The following RGS3 variants were observed in gnomAD, a reference collection of about 807,000 sequenced individuals.
RGS3 encodes the protein regulator of G protein signaling 3, also known as regulator of G-protein signalling 3.
A neutral mutation model predicts 132.6 loss-of-function variants in RGS3; 80 were observed. The ratio of observed to expected loss-of-function variants is 0.60; its 90% CI spans 0.50 to 0.73. RGS3 has a LOEUF of 0.73. Ranked by LOEUF, RGS3 falls within the 30% of genes least tolerant of loss-of-function variation. The pLI is 0.00. For synonymous variants in RGS3, 598 were observed against 620.6 expected (o/e 0.96, Z 0.54); for missense variants, 1,382 against 1,530.8 (o/e 0.90, Z 1.62).
intron 15 of RGS3, among the ~76,000 whole-genome samples, chr9:113,515,779 T>A (rs1831627333): frequency 6.6e-6 from 1 of 152,274 alleles, no homozygotes; most frequent in Admixed American, 6.5e-5. Flanking sequence ...TGTTGCCTTT[T>A]TAAAAGGAAA....
In RGS3 at chr9:113,463,055, C is replaced by G. The variant is rs530526245; in HGVS notation, c.415+854C>G. On this transcript the variant is annotated intron_variant, in intron 3 of 24. Coordinates refer to ENST00000350696, the Ensembl canonical transcript of RGS3. The surrounding 1 kb of genome is among the most constrained non-coding windows in gnomAD (Gnocchi z 4.6). ...ACCAGGCTGGGGGATTCACCCACCC[C>G]ACTCCGTTTCCTGTGCGTTCCTCTT... 5.9e-5 allele frequency among the ~76,000 whole-genome samples: 9 copies of G among 152,356 alleles called. No individual in the cohort carries two copies. Among genetic ancestry groups the G allele is most frequent in the Admixed American group, 5.9e-4 (9 of 15,312 alleles).
At chr9:113,558,786 C>A (rs973064082) in intron 19 of RGS3, among the ~76,000 whole-genome samples, 7 of 152,224 alleles carry the variant, frequency 4.6e-5, no homozygotes, top group African/African-American at 1.7e-4. Context: ...TTCAGTGAGA[C>A]CAGTCCACTC....
At chr9:113,488,818 C>T (rs1830417404) in intron 7 of RGS3, among the ~76,000 whole-genome samples, 2 of 152,250 alleles carry the variant, frequency 1.3e-5, no homozygotes, top group African/African-American at 4.8e-5. Flanking sequence ...CCGGCCTGGC[C>T]TCCTTGCGCT....
chr9:113,470,641 T>G (rs1179014525), intron 3 of RGS3, among the ~76,000 whole-genome samples: 1 of 152,212 alleles, frequency 6.6e-6, no homozygotes, highest in Non-Finnish European at 1.5e-5. Context: ...GGATCTACAT[T>G]GTAGGTGTGC....
intron 17 of RGS3, among the ~76,000 whole-genome samples, chr9:113,527,121 G>GGAGGT: frequency 6.6e-6 from 1 of 152,364 alleles, no homozygotes; most frequent in East Asian, 1.9e-4. Flanking sequence ...AGTAATGCAG[G>GGAGGT]GAGGTTGGGG....
upstream of RGS3, among the ~76,000 whole-genome samples, chr9:113,455,363 C>T (rs764400274): frequency 2.6e-5 from 4 of 152,106 alleles, no homozygotes; most frequent in Non-Finnish European, 5.9e-5. Flanking sequence ...AGGATTATGC[C>T]AGGCCAAGTT....
intron 3 of RGS3, among the ~76,000 whole-genome samples, chr9:113,467,421 A>G (rs1423913673): frequency 6.6e-6 from 1 of 152,160 alleles, no homozygotes; most frequent in Non-Finnish European, 1.5e-5. Flanking sequence ...AATTCTAGCT[A>G]TCCTAGTGGG....
chr9:113,549,213 C>G (rs2118730395), intron 19 of RGS3, among the ~76,000 whole-genome samples: 1 of 152,314 alleles, frequency 6.6e-6, no homozygotes, highest in African/African-American at 2.4e-5. Flanking sequence ...TCTCACTAGC[C>G]ATGGGATTAC....
Position 113,517,638 on chromosome 9 carries a change from CT to C in RGS3, c.1758+15del. The C allele has an allele frequency of 6.2e-7, 1 of 1,610,270 alleles. No individual in the cohort carries two copies. The highest frequency in any genetic ancestry group is 1.1e-5 in the South Asian group (1 of 90,956). On this transcript the variant is annotated intron_variant, in intron 16 of 24. Transcript: ENST00000350696. ...AAGGCTGCCGAGGTAAGACTTTCAC[CT>C]GCATTTTTTAGGGGGCTTTCTGGGT...
chr9:113,492,805 G>A (rs1459727657), intron 7 of RGS3, among the ~76,000 whole-genome samples: 5 of 152,204 alleles, frequency 3.3e-5, no homozygotes, highest in Admixed American at 6.5e-5. Context: ...CACTTAGAGA[G>A]AGGTTCCTGC....
intron 4 of RGS3, among the ~76,000 whole-genome samples, chr9:113,480,559 CCT>C (rs1188237721): frequency 6.6e-6 from 1 of 152,186 alleles, no homozygotes; most frequent in Non-Finnish European, 1.5e-5. Flanking sequence ...AGCACCCACC[CCT>C]GTCTAGATGG....
chr9:113,520,997 A>AGTC, intron 16 of RGS3, among the ~76,000 whole-genome samples: 1 of 152,276 alleles, frequency 6.6e-6, no homozygotes, highest in South Asian at 2.1e-4. Flanking sequence ...GGCCATGGAC[A>AGTC]GGTCACTTAA....
intron 7 of RGS3, among the ~76,000 whole-genome samples, chr9:113,488,861 C>T (rs964655870): frequency 1.3e-5 from 2 of 152,272 alleles, no homozygotes; most frequent in African/African-American, 2.4e-5. Flanking sequence ...CGATCCATTT[C>T]GGAGCGAGAA....
chr9:113,501,552 G>C, intron 10 of RGS3: 1 of 1,540,718 alleles, frequency 6.5e-7, no homozygotes, highest in Non-Finnish European at 8.7e-7. Flanking sequence ...TTCATGGGGC[G>C]GCAGCCGAGG....
chr9:113,505,738 T>C (rs567845523), intron 11 of RGS3, among the ~76,000 whole-genome samples: 2 of 152,246 alleles, frequency 1.3e-5, no homozygotes, highest in African/African-American at 4.8e-5. Flanking sequence ...AAAATGAAAA[T>C]AGGTTTTTAT....
intron 19 of RGS3, among the ~76,000 whole-genome samples, chr9:113,553,459 A>AAAAAAAAAAAAAATAT (rs1426114805): frequency 6.0e-4 from 35 of 58,696 alleles, no homozygotes; most frequent in Non-Finnish European, 8.8e-4. Flanking sequence ...AAAAAAAAAA[A>AAAAAAAAAAAAAATAT]ATATATATAT....
At chr9:113,479,376 G>A in intron 3 of RGS3, 115 bp from the exon 2 acceptor site, 1 of 1,064,254 alleles carries the variant, frequency 9.4e-7, no homozygotes, top group East Asian at 2.4e-5. Flanking sequence ...ACTTGTGTGA[G>A]TCTTTGAATG....
intron 19 of RGS3, among the ~76,000 whole-genome samples, chr9:113,570,795 C>A (rs560747421): frequency 1.3e-4 from 20 of 152,252 alleles, no homozygotes; most frequent in African/African-American, 4.8e-4. Context: ...TGCCACCATG[C>A]CCGGCTAATT....
chr9:113,578,094 T>A (rs1834617909), intron 19 of RGS3, among the ~76,000 whole-genome samples: 1 of 152,192 alleles, frequency 6.6e-6, no homozygotes, highest in Non-Finnish European at 1.5e-5. Context: ...ATGGTGCAGA[T>A]AGCGATTGTG....
Sources: allele counts gnomAD v4.1 joint callset (sites outside exome capture counted in the v4.1 genomes callset), GRCh38; gene constraint gnomAD v4.1.1; non-coding constraint Gnocchi (gnomAD v3.1); transcripts MANE v1.5; gene names NCBI Gene and HGNC (gene_info 2026-07-23, HGNC 2026-07-21).